The following EYS variants were observed in gnomAD, a reference collection of about 807,000 sequenced individuals.
The protein encoded by EYS is protein eyes shut homolog.
A neutral mutation model predicts 282.1 loss-of-function variants in EYS; 250 were observed. The ratio of observed to expected loss-of-function variants is 0.89; its 90% CI spans 0.80 to 0.98. The LOEUF (loss-of-function observed/expected upper bound fraction) is 0.98. Among genes scored for constraint, EYS ranks in the 50% least tolerant of loss-of-function variants. The pLI is 0.00. For missense variants in EYS, 4,016 were observed against 3,709.0 expected (o/e 1.08, Z -2.15); for synonymous variants, 1,355 against 1,282.9 (o/e 1.06, Z -1.20).
rs1468161558 is a variant in EYS, at chr6:64,222,373, TTTTG to T, written c.6424+8215_6424+8218del. On this transcript the variant is annotated intron_variant, in intron 31 of 42. Transcript: ENST00000503581. The stretch of plus-strand genomic sequence containing the variant: ...AAATGAATTTCCCAGAGACCACACG[TTTTG>T]TTCTTAATTATCTCTGCTCATTATA... Among the ~76,000 whole-genome samples, 157 of 152,170 alleles carry T rather than the reference TTTTG, an allele frequency of 1.0e-3. 1 individual carries two copies. Among genetic ancestry groups the T allele is most frequent in the African/African-American group, 3.4e-3 (143 of 41,566 alleles).
At chr6:65,256,262 CTTTTTT>C (rs561232052) in intron 12 of EYS, among the ~76,000 whole-genome samples, 1 of 137,236 alleles carries the variant, frequency 7.3e-6, no homozygotes, top group African/African-American at 2.7e-5. Context: ...AGACAAACTT[CTTTTTT>C]TTTTTCTTTT....
intron 14 of EYS, among the ~76,000 whole-genome samples, chr6:64,991,796 G>A (rs1771075256): frequency 6.6e-6 from 1 of 151,666 alleles, no homozygotes; most frequent in African/African-American, 2.4e-5. Context: ...GAAATATGCT[G>A]TTAAAAACAG....
chr6:65,003,967 A>G (rs1771550946), intron 13 of EYS, among the ~76,000 whole-genome samples: 1 of 147,202 alleles, frequency 6.8e-6, no homozygotes, highest in South Asian at 2.2e-4. Context: ...TCCACAGAAA[A>G]ATCCATGTTT....
intron 22 of EYS, among the ~76,000 whole-genome samples, chr6:64,634,547 CAAAA>C (rs57871928): frequency 3.5e-5 from 5 of 141,360 alleles, no homozygotes; most frequent in Non-Finnish European, 6.1e-5. Context: ...CCCTAGCTTC[CAAAA>C]AAAAAAAAAA....
At chr6:64,523,068 A>G (rs528159144) in intron 26 of EYS, among the ~76,000 whole-genome samples, 26 of 151,528 alleles carry the variant, frequency 1.7e-4, no homozygotes, top group African/African-American at 5.3e-4. Context: ...TTCCCCCTAC[A>G]GGTGAAATCA....
At chr6:63,979,235 G>A (rs1766980702) in intron 35 of EYS, among the ~76,000 whole-genome samples, 1 of 151,900 alleles carries the variant, frequency 6.6e-6, no homozygotes. Context: ...TTTTGTCAGT[G>A]GCTGCATTCC....
chr6:64,951,211 TA>T (rs1769495874), intron 14 of EYS, among the ~76,000 whole-genome samples: 1 of 151,858 alleles, frequency 6.6e-6, no homozygotes, highest in African/African-American at 2.4e-5. Flanking sequence ...GCAAGGAAGA[TA>T]AAAGTTGGAG....
At chr6:64,416,702 TTTTTTG>T (rs2150447698) in intron 28 of EYS, among the ~76,000 whole-genome samples, 1 of 152,312 alleles carries the variant, frequency 6.6e-6, no homozygotes, top group South Asian at 2.1e-4. Context: ...TATTTTGAAC[TTTTTTG>T]AGACATTAAT....
intron 26 of EYS, among the ~76,000 whole-genome samples, chr6:64,505,634 T>C (rs1349778475): frequency 2.0e-5 from 3 of 152,318 alleles, no homozygotes; most frequent in South Asian, 2.1e-4. Flanking sequence ...TTCAGAAATA[T>C]ACAAGCATTG....
At chr6:65,170,094 T>A (rs943715007) in intron 12 of EYS, among the ~76,000 whole-genome samples, 1 of 151,524 alleles carries the variant, frequency 6.6e-6, no homozygotes, top group Non-Finnish European at 1.5e-5. Context: ...GACACTTTCC[T>A]GAGTGAGTCA....
At chr6:64,000,268 G>A (rs1174260509) in intron 33 of EYS, among the ~76,000 whole-genome samples, 1 of 136,224 alleles carries the variant, frequency 7.3e-6, no homozygotes, top group Non-Finnish European at 1.5e-5. Context: ...CTCGGCTCAC[G>A]GCAAGCTCTG....
At chr6:64,592,581 A>G (rs1002444540) in intron 25 of EYS, among the ~76,000 whole-genome samples, 1 of 152,180 alleles carries the variant, frequency 6.6e-6, no homozygotes, top group Non-Finnish European at 1.5e-5. Flanking sequence ...CATTGGCTAC[A>G]TGAAGAGTAA....
intron 30 of EYS, among the ~76,000 whole-genome samples, chr6:64,249,063 C>CAAAAAA (rs34663169): frequency 1.3e-4 from 9 of 70,052 alleles, no homozygotes; most frequent in South Asian, 5.9e-4. Flanking sequence ...CACCCTGTCT[C>CAAAAAA]AAAAAAAAAA....
At chr6:65,451,817 T>G (rs1313255622) in intron 5 of EYS, among the ~76,000 whole-genome samples, 1 of 151,962 alleles carries the variant, frequency 6.6e-6, no homozygotes, top group Non-Finnish European at 1.5e-5. Flanking sequence ...ATTCCAACAT[T>G]TTATCTTTAT....
At chr6:65,428,809 A>G (rs571127011) in intron 5 of EYS, among the ~76,000 whole-genome samples, 4 of 152,298 alleles carry the variant, frequency 2.6e-5, no homozygotes, top group Admixed American at 1.3e-4. Context: ...AAACTGTCAA[A>G]TGCATCAAAG....
chr6:64,184,486 A>G (rs912360591), intron 31 of EYS, among the ~76,000 whole-genome samples: 20 of 152,072 alleles, frequency 1.3e-4, no homozygotes, highest in African/African-American at 4.8e-4. Context: ...AAAAGCTCTG[A>G]GCTCCTCCAT....
At chr6:63,796,816 G>A (rs1463630375) in intron 37 of EYS, among the ~76,000 whole-genome samples, 2 of 152,186 alleles carry the variant, frequency 1.3e-5, no homozygotes, top group African/African-American at 4.8e-5. Flanking sequence ...ATAACTTCAA[G>A]TGTTTTAAAA....
intron 22 of EYS, among the ~76,000 whole-genome samples, chr6:64,653,895 G>A (rs1209347582): frequency 1.3e-5 from 2 of 152,022 alleles, no homozygotes; most frequent in Non-Finnish European, 2.9e-5. Flanking sequence ...TTCATAATAT[G>A]TGTTATTTCC....
intron 13 of EYS, among the ~76,000 whole-genome samples, chr6:65,035,233 A>G (rs967484302): frequency 2.0e-5 from 3 of 152,144 alleles, no homozygotes; most frequent in Admixed American, 6.6e-5. Context: ...AGATCCATCT[A>G]TGACAAACAC....
Sources: allele counts gnomAD v4.1 joint callset (sites outside exome capture counted in the v4.1 genomes callset), GRCh38; gene constraint gnomAD v4.1.1; transcripts MANE v1.5; gene names NCBI Gene and HGNC (gene_info 2026-07-23, HGNC 2026-07-21).